GSG1L: variants seen among roughly 807,000 people sequenced by gnomAD.
GSG1L encodes the protein GSG1 like, also known as germ cell-specific gene 1-like protein.
A neutral mutation model predicts 42.1 loss-of-function variants in GSG1L; 24 were observed. The observed-to-expected ratio is 0.57, with a 90% confidence interval of 0.41 to 0.80. The LOEUF (loss-of-function observed/expected upper bound fraction) is 0.80, where lower values mean the gene tolerates loss of function less well. Ranked by LOEUF, GSG1L falls within the 30% of genes least tolerant of loss-of-function variation. GSG1L has a pLI of 0.00. For missense variants in GSG1L, 445 were observed against 472.2 expected (o/e 0.94, Z 0.53); for synonymous variants, 215 against 203.5 (o/e 1.06, Z -0.48).
At chr16:27,876,409 G>C (rs1286790173) in intron 3 of GSG1L, among the ~76,000 whole-genome samples, 3 of 152,186 alleles carry the variant, frequency 2.0e-5, no homozygotes, top group Non-Finnish European at 4.4e-5. Context: ...CTTCCTTGGG[G>C]GAAGGTGTCA....
At chr16:27,957,318 G>A (rs1209137280) in intron 2 of GSG1L, among the ~76,000 whole-genome samples, 1 of 152,198 alleles carries the variant, frequency 6.6e-6, no homozygotes, top group African/African-American at 2.4e-5. Context: ...CTGCACTCCA[G>A]CCTGGGTGAC....
intron 1 of GSG1L, among the ~76,000 whole-genome samples, chr16:28,002,259 C>T (rs1488385812): frequency 6.6e-6 from 1 of 152,126 alleles, no homozygotes; most frequent in African/African-American, 2.4e-5. Context: ...GATGGGCTGA[C>T]CAGGGCCTTT....
chr16:27,889,034 AG>A (rs1481889516), intron 2 of GSG1L, among the ~76,000 whole-genome samples: 2 of 152,092 alleles, frequency 1.3e-5, no homozygotes, highest in Non-Finnish European at 2.9e-5. Context: ...TCCAGGCTGG[AG>A]AGCAGTGGCA....
chr16:27,796,745 T>C (rs1263262538), intron 6 of GSG1L, among the ~76,000 whole-genome samples: 1 of 152,206 alleles, frequency 6.6e-6, no homozygotes. Context: ...ATTCCACGTT[T>C]CTGAGCCATA....
At chr16:27,960,855 T>C (rs1182714356) in intron 2 of GSG1L, among the ~76,000 whole-genome samples, 1 of 151,900 alleles carries the variant, frequency 6.6e-6, no homozygotes, top group Non-Finnish European at 1.5e-5. Context: ...CTTGTAAACA[T>C]TTTTATATAC....
chr16:27,913,990 T>G (rs1171318386), intron 2 of GSG1L, among the ~76,000 whole-genome samples: 8 of 121,072 alleles, frequency 6.6e-5, no homozygotes, highest in Non-Finnish European at 1.2e-4. Context: ...CCTTCCAGTT[T>G]TTTTTTTTTT....
intron 4 of GSG1L, among the ~76,000 whole-genome samples, chr16:27,833,761 A>G (rs1011609719): frequency 1.2e-4 from 19 of 152,130 alleles, no homozygotes; most frequent in African/African-American, 4.3e-4. Flanking sequence ...AGTTTATAAA[A>G]ATACAATTGA....
intron 1 of GSG1L, among the ~76,000 whole-genome samples, chr16:28,018,663 C>T (rs1029164595): frequency 1.3e-5 from 2 of 152,054 alleles, no homozygotes; most frequent in African/African-American, 2.4e-5. Context: ...GGCCATTGTG[C>T]AGGAAACCAC....
At chr16:27,842,463 T>C (rs1428909661) in intron 4 of GSG1L, among the ~76,000 whole-genome samples, 2 of 152,230 alleles carry the variant, frequency 1.3e-5, no homozygotes, top group East Asian at 1.9e-4. Context: ...ACCTGATTCA[T>C]GGCACATCAG....
intron 6 of GSG1L, among the ~76,000 whole-genome samples, chr16:27,794,684 T>G (rs1328092576): frequency 6.6e-6 from 1 of 152,184 alleles, no homozygotes; most frequent in Non-Finnish European, 1.5e-5. Context: ...CCTCCTGGCT[T>G]TTAAATGATG....
intron 4 of GSG1L, among the ~76,000 whole-genome samples, chr16:27,829,914 T>G (rs1226821288): frequency 2.0e-5 from 3 of 152,140 alleles, no homozygotes; most frequent in Non-Finnish European, 4.4e-5. Context: ...ACTCTCCCCC[T>G]GAGAGATGAG....
At chr16:27,797,821 C>CAAAAAAAA (rs59207468) in intron 6 of GSG1L, among the ~76,000 whole-genome samples, 1 of 77,218 alleles carries the variant, frequency 1.3e-5, no homozygotes. Context: ...GACTCCATCT[C>CAAAAAAAA]AAAAAAAAAA....
intron 4 of GSG1L, among the ~76,000 whole-genome samples, chr16:27,840,492 G>A (rs1249146512): frequency 6.6e-6 from 1 of 152,150 alleles, no homozygotes; most frequent in East Asian, 1.9e-4. Flanking sequence ...CAGGTAGGGA[G>A]AGCTGAGACA....
intron 3 of GSG1L, among the ~76,000 whole-genome samples, chr16:27,871,122 A>G (rs2083814774): frequency 6.6e-6 from 1 of 152,102 alleles, no homozygotes; most frequent in Non-Finnish European, 1.5e-5. Flanking sequence ...GTGTCCAGCC[A>G]GTCCTGGAGT....
intron 2 of GSG1L, among the ~76,000 whole-genome samples, chr16:27,894,521 G>A (rs1392381324): frequency 6.6e-6 from 1 of 152,194 alleles, no homozygotes; most frequent in East Asian, 1.9e-4. Flanking sequence ...AAGGCACGGC[G>A]CAGTGGCCGC....
intron 2 of GSG1L, among the ~76,000 whole-genome samples, chr16:27,931,371 C>A (rs1425796408): frequency 1.3e-5 from 2 of 152,160 alleles, no homozygotes; most frequent in African/African-American, 4.8e-5. Flanking sequence ...TGCCTCCATC[C>A]CAGCCCCACT....
intron 1 of GSG1L, among the ~76,000 whole-genome samples, chr16:27,986,430 C>T (rs1237281458): frequency 1.3e-5 from 2 of 150,946 alleles, no homozygotes; most frequent in Non-Finnish European, 2.9e-5. Context: ...CACTTAAACT[C>T]GGGAGGTGGA....
intron 5 of GSG1L, among the ~76,000 whole-genome samples, chr16:27,817,810 C>T (rs1027087197): frequency 2.6e-5 from 4 of 152,298 alleles, no homozygotes; most frequent in Middle Eastern, 6.8e-3. Context: ...CCTTACATCA[C>T]GAAGGATGTT....
intron 5 of GSG1L, among the ~76,000 whole-genome samples, chr16:27,809,604 G>A (rs905882264): frequency 3.2e-4 from 49 of 151,190 alleles, no homozygotes; most frequent in African/African-American, 7.8e-4. Context: ...AATCATTATT[G>A]TCTCTCCTAA....
Sources: gnomAD v4.1 joint callset for allele counts (sites outside exome capture counted in the v4.1 genomes callset) on GRCh38, gnomAD v4.1.1 for gene constraint, MANE v1.5 for transcripts, NCBI Gene and HGNC (gene_info 2026-07-23, HGNC 2026-07-21) for gene names.